TEX11: variants seen among roughly 807,000 people sequenced by gnomAD.
TEX11 encodes the protein testis expressed 11, also known as testis-expressed protein 11.
A neutral mutation model predicts 84.4 loss-of-function variants in TEX11; 7 were observed. The ratio of observed to expected loss-of-function variants is 0.08; its 90% confidence interval spans 0.05 to 0.16. TEX11 has a LOEUF of 0.16. Ranked by LOEUF, TEX11 falls within the 10% of genes least tolerant of loss-of-function variation. The pLI, the probability that TEX11 is intolerant of heterozygous loss-of-function variation, is 1.00. For missense variants in TEX11, 551 were observed against 660.5 expected, an observed-to-expected ratio of 0.83 and a Z score of 1.82; for synonymous variants, 264 against 222.8, an observed-to-expected ratio of 1.18 and a Z score of -1.64.
chrX:70,567,103 T>A (rs1475569026), intron 25 of TEX11, among the ~76,000 whole-genome samples: 7 of 111,182 alleles, frequency 6.3e-5, no homozygotes, highest in East Asian at 2.8e-4. Context: ...GTCTATTCAG[T>A]GATTCAACTT....
intron 14 of TEX11, among the ~76,000 whole-genome samples, chrX:70,679,464 GC>G (rs1358847611): frequency 3.8e-5 from 4 of 104,345 alleles, no homozygotes; most frequent in Non-Finnish European, 7.9e-5. Flanking sequence ...GAGCGTCTCT[GC>G]CCGGCCGCCA....
At chrX:70,635,307 C>A (rs1192581207) in intron 17 of TEX11, among the ~76,000 whole-genome samples, 1 of 112,371 alleles carries the variant, frequency 8.9e-6, no homozygotes, top group African/African-American at 3.2e-5. Flanking sequence ...TACCTCAGAC[C>A]ACAACAATGG....
chrX:70,577,878 C>A (rs1259872581), intron 25 of TEX11, among the ~76,000 whole-genome samples: 2 of 110,397 alleles, frequency 1.8e-5, no homozygotes, highest in African/African-American at 6.6e-5. Flanking sequence ...CAGGTACCCA[C>A]CACCACGCCA....
rs1306248332 is a variant in TEX11 at position 70,888,213 on chromosome X, C to T, written c.38-8104G>A. ...CACCATCCAGGAAAACATGACCTCA[C>T]CAAATGAACTAAATAAGGCACTAGG... On this transcript the variant is annotated intron_variant, in intron 2 of 29. Transcript: ENST00000374333. Among the ~76,000 whole-genome samples, 4 of 112,374 alleles carry T rather than the reference C, an allele frequency of 3.6e-5. No homozygotes were observed. The Admixed American group carries it at 3.8e-4, about 11-fold the overall frequency.
At chrX:70,712,256 T>C (rs2090443596) in intron 13 of TEX11, among the ~76,000 whole-genome samples, 1 of 111,723 alleles carries the variant, frequency 9.0e-6, no homozygotes, top group Non-Finnish European at 1.9e-5. Context: ...TGGCTGAGGA[T>C]TCACTTGGCA....
chrX:70,775,799 CA>C lies in TEX11; in HGVS notation c.692+30905del, dbSNP rs55995616. Among the ~76,000 whole-genome samples, 291 of 44,044 alleles carry C rather than the reference CA, an allele frequency of 6.6e-3. 14 individuals carry two copies. The highest frequency in any genetic ancestry group is 7.9e-3 in the Admixed American group (19 of 2,400). The allele number at this position is 44,044 out of a possible 115,157, so 38.2% of individuals were successfully genotyped here. ...TGGGTGACAGAGCGAGACTCCGTCT[CA>C]AAAAAAAAAAGGCATACAAATGGCC... is the stretch of plus-strand genomic sequence containing the variant. On this transcript the variant is annotated intron_variant, in intron 9 of 29. Coordinates refer to ENST00000374333, the MANE Select transcript of TEX11 (RefSeq NM_031276.3).
chrX:70,601,903 C>T (rs1221531353), intron 24 of TEX11, among the ~76,000 whole-genome samples: 2 of 110,599 alleles, frequency 1.8e-5, no homozygotes, highest in Admixed American at 1.9e-4. Flanking sequence ...TCTCTTAGTA[C>T]AGAACAAAAT....
intron 25 of TEX11, among the ~76,000 whole-genome samples, chrX:70,569,262 C>T (rs1242809950): frequency 8.9e-6 from 1 of 111,977 alleles, no homozygotes; most frequent in Non-Finnish European, 1.9e-5. Flanking sequence ...TCCATCAGCT[C>T]CTTTAAGCAC....
chrX:70,774,175 A>T (rs1298301075), intron 9 of TEX11, among the ~76,000 whole-genome samples: 1 of 109,553 alleles, frequency 9.1e-6, no homozygotes, highest in Non-Finnish European at 1.9e-5. Context: ...GGGGCCCAGC[A>T]GCACCAGGGC....
At chrX:70,698,167 C>A (rs1487925976) in intron 13 of TEX11, among the ~76,000 whole-genome samples, 1 of 110,830 alleles carries the variant, frequency 9.0e-6, no homozygotes, top group Non-Finnish European at 1.9e-5. Flanking sequence ...TTTATCATTT[C>A]TTTTTGTTGT....
At chrX:70,734,306 A>T (rs771229466) in intron 11 of TEX11, among the ~76,000 whole-genome samples, 151 of 97,446 alleles carry the variant, frequency 1.5e-3, no homozygotes, top group African/African-American at 7.3e-3. Context: ...AGTATAATTT[A>T]AAAAAAAAGA....
chrX:70,785,079 C>T (rs2091069021), intron 9 of TEX11, among the ~76,000 whole-genome samples: 1 of 111,935 alleles, frequency 8.9e-6, no homozygotes, highest in Admixed American at 9.5e-5. Context: ...TCAAACTATA[C>T]TACAAGTCTA....
Position 70,835,047 on chromosome X carries a change from G to A in TEX11, c.526-1454C>T, listed in dbSNP as rs201226015. 3.2e-4 allele frequency among the ~76,000 whole-genome samples: 35 copies of A among 110,624 alleles called. No individual in the cohort carries two copies. In the East Asian group the frequency reaches 8.2e-3, roughly 26 times the overall value. On this transcript the variant is annotated intron_variant, in intron 7 of 29. Transcript: ENST00000374333. ...GGCTTTAATACTAGATATTATTAAA[G>A]GGGAAAATAAATTGCTAACACAAGT...
intron 20 of TEX11, among the ~76,000 whole-genome samples, chrX:70,620,907 G>T (rs1323098434): frequency 2.7e-5 from 3 of 111,677 alleles, no homozygotes; most frequent in Non-Finnish European, 5.6e-5. Flanking sequence ...GACAGTAAGG[G>T]GTTGATGAAG....
chrX:70,691,398 T>C (rs2090233643), intron 13 of TEX11, among the ~76,000 whole-genome samples: 2 of 112,075 alleles, frequency 1.8e-5, no homozygotes, highest in African/African-American at 6.5e-5. Flanking sequence ...TGTGCTAAAA[T>C]GTGGAAGTAA....
chrX:70,887,987 G>A (rs1357876131), intron 2 of TEX11, among the ~76,000 whole-genome samples: 2 of 113,240 alleles, frequency 1.8e-5, no homozygotes, highest in African/African-American at 3.2e-5. Context: ...GTATCTCTAC[G>A]AGTCTGCAAG....
chrX:70,821,057 T>C (rs1016218069), intron 8 of TEX11, among the ~76,000 whole-genome samples: 3 of 110,479 alleles, frequency 2.7e-5, no homozygotes, highest in African/African-American at 9.9e-5. Flanking sequence ...ATCAACAGAG[T>C]GAAAAAGCAT....
chrX:70,729,888 A>T (rs2090631408), intron 11 of TEX11, among the ~76,000 whole-genome samples: 1 of 111,932 alleles, frequency 8.9e-6, no homozygotes, highest in Non-Finnish European at 1.9e-5. Flanking sequence ...TGAAGGAAAA[A>T]ATGTTACGGG....
the TEX11 span, among the ~76,000 whole-genome samples, chrX:70,521,821 G>A: frequency 9.0e-6 from 1 of 111,439 alleles, no homozygotes; most frequent in South Asian, 3.8e-4. Flanking sequence ...AAGGTAGCAT[G>A]AGGGAAAAGA....
Sources: allele counts gnomAD v4.1 joint callset (sites outside exome capture counted in the v4.1 genomes callset), GRCh38; gene constraint gnomAD v4.1.1; transcripts MANE v1.5; gene names NCBI Gene and HGNC (gene_info 2026-07-23, HGNC 2026-07-21).